SLC24A3: variants seen among roughly 807,000 people sequenced by gnomAD.
SLC24A3 encodes the protein solute carrier family 24 member 3, also known as sodium/potassium/calcium exchanger 3.
SLC24A3 carries 28 observed loss-of-function variants against 75.8 expected under a neutral mutation model. The observed-to-expected ratio is 0.37, with a 90% CI of 0.27 to 0.51. The LOEUF (loss-of-function observed/expected upper bound fraction) is 0.51. Ranked by LOEUF, SLC24A3 falls within the 20% of genes least tolerant of loss-of-function variation. The pLI is 0.94. For missense variants in SLC24A3, 663 were observed against 847.8 expected, an observed-to-expected ratio of 0.78 and a Z score of 2.71; for synonymous variants, 372 against 334.1, an observed-to-expected ratio of 1.11 and a Z score of -1.24.
At chr20:19,703,891 G>T (rs538724033) in intron 15 of SLC24A3, among the ~76,000 whole-genome samples, 9 of 152,302 alleles carry the variant, frequency 5.9e-5, no homozygotes, top group South Asian at 4.1e-4. Context: ...CCAACCAAGG[G>T]CTTCTTTCTT....
intron 6 of SLC24A3, among the ~76,000 whole-genome samples, chr20:19,611,460 A>T (rs907329064): frequency 6.6e-6 from 1 of 152,196 alleles, no homozygotes; most frequent in African/African-American, 2.4e-5. Context: ...TAGCCCATAC[A>T]TGATTGTCTT....
chr20:19,500,070 G>C (rs1319831002), intron 2 of SLC24A3, among the ~76,000 whole-genome samples: 4 of 152,154 alleles, frequency 2.6e-5, no homozygotes. Context: ...TTATATTGAT[G>C]AGGAAATGTG....
At chr20:19,267,064 A>T (rs1015607045) in intron 1 of SLC24A3, among the ~76,000 whole-genome samples, 12 of 152,192 alleles carry the variant, frequency 7.9e-5, no homozygotes, top group African/African-American at 2.9e-4. Flanking sequence ...GAAATGAACC[A>T]TTTAAAAATA....
chr20:19,380,941 T>C (rs942306544), intron 2 of SLC24A3, among the ~76,000 whole-genome samples: 1 of 152,168 alleles, frequency 6.6e-6, no homozygotes, highest in Non-Finnish European at 1.5e-5. Flanking sequence ...CTTCTGACCC[T>C]TTATAATAAT....
intron 2 of SLC24A3, among the ~76,000 whole-genome samples, chr20:19,412,140 A>C (rs1410539224): frequency 6.6e-6 from 1 of 152,186 alleles, no homozygotes; most frequent in Admixed American, 6.5e-5. Flanking sequence ...AATTCAGTGC[A>C]TTTGGCCTGC....
chr20:19,708,797 C>A (rs2122162241), intron 15 of SLC24A3, among the ~76,000 whole-genome samples: 1 of 152,334 alleles, frequency 6.6e-6, no homozygotes, highest in Non-Finnish European at 1.5e-5. Flanking sequence ...GCAAAAGTAT[C>A]ACCACCCAAT....
chr20:19,437,516 A>C (rs1987226355), intron 2 of SLC24A3, among the ~76,000 whole-genome samples: 1 of 152,230 alleles, frequency 6.6e-6, no homozygotes, highest in African/African-American at 2.4e-5. Flanking sequence ...AAAATGGACT[A>C]ATACAGTCAG....
intron 2 of SLC24A3, among the ~76,000 whole-genome samples, chr20:19,378,624 C>A (rs1224802918): frequency 6.6e-6 from 1 of 152,070 alleles, no homozygotes; most frequent in Admixed American, 6.5e-5. Flanking sequence ...TTTAAGCCTC[C>A]CTTCTTTCCT....
At chr20:19,707,110 C>T (rs1340705257) in intron 15 of SLC24A3, among the ~76,000 whole-genome samples, 1 of 152,162 alleles carries the variant, frequency 6.6e-6, no homozygotes, top group Non-Finnish European at 1.5e-5. Context: ...AGCAAGAGCA[C>T]AAGAAGACGC....
intron 2 of SLC24A3, among the ~76,000 whole-genome samples, chr20:19,442,979 T>C (rs527649476): frequency 8.5e-5 from 13 of 152,346 alleles, no homozygotes; most frequent in Middle Eastern, 3.4e-3. Flanking sequence ...CTTTGATACC[T>C]TGTCAGAGAT....
intron 2 of SLC24A3, among the ~76,000 whole-genome samples, chr20:19,512,766 T>C (rs1469730437): frequency 6.6e-6 from 1 of 152,170 alleles, no homozygotes; most frequent in Non-Finnish European, 1.5e-5. Context: ...TTCACTCCTT[T>C]CCTGTGCTCC....
At chr20:19,655,187 A>G (rs1401699494) in intron 7 of SLC24A3, among the ~76,000 whole-genome samples, 5 of 152,176 alleles carry the variant, frequency 3.3e-5, no homozygotes, top group Non-Finnish European at 5.9e-5. Context: ...CAGCTGCTGC[A>G]GTTCATTGCG....
intron 2 of SLC24A3, among the ~76,000 whole-genome samples, chr20:19,501,455 C>T (rs1179818681): frequency 6.6e-6 from 1 of 152,194 alleles, no homozygotes; most frequent in African/African-American, 2.4e-5. Flanking sequence ...AAACACCTAC[C>T]TTGCTGTTAC....
chr20:19,276,244 C>T (rs941110791), intron 1 of SLC24A3, among the ~76,000 whole-genome samples: 1 of 152,136 alleles, frequency 6.6e-6, no homozygotes, highest in Admixed American at 6.5e-5. Context: ...CCAGCCCAGT[C>T]TCTAGGAAAT....
chr20:19,319,832 A>G (rs1051237946), intron 2 of SLC24A3, among the ~76,000 whole-genome samples: 2 of 152,200 alleles, frequency 1.3e-5, no homozygotes, highest in Non-Finnish European at 2.9e-5. Context: ...GTACACCTGT[A>G]CATGTGTACC....
chr20:19,541,853 A>G (rs6046167), intron 3 of SLC24A3, among the ~76,000 whole-genome samples: 134,172 of 152,216 alleles, frequency 0.88, 59,238 homozygotes, highest in Middle Eastern at 0.92. Flanking sequence ...AGGTTTGCAC[A>G]TCCTTACCTG....
At chr20:19,610,049 C>A (rs986596114) in intron 6 of SLC24A3, among the ~76,000 whole-genome samples, 1 of 152,234 alleles carries the variant, frequency 6.6e-6, no homozygotes, top group African/African-American at 2.4e-5. Context: ...TCTTTATGAG[C>A]TAACTACAGT....
At chr20:19,541,645 T>C (rs573575020) in intron 3 of SLC24A3, among the ~76,000 whole-genome samples, 65 of 152,308 alleles carry the variant, frequency 4.3e-4, no homozygotes, top group Admixed American at 4.0e-3. Context: ...ATCAAAGCCA[T>C]TGCTAGAGAA....
intron 2 of SLC24A3, among the ~76,000 whole-genome samples, chr20:19,472,555 A>C (rs930100855): frequency 1.9e-4 from 29 of 152,208 alleles, no homozygotes; most frequent in Non-Finnish European, 4.4e-5. Context: ...TCCTCCAGCC[A>C]TGAGGACGCT....
Sources: allele counts gnomAD v4.1 joint callset (sites outside exome capture counted in the v4.1 genomes callset), GRCh38; gene constraint gnomAD v4.1.1; transcripts MANE v1.5; gene names NCBI Gene and HGNC (gene_info 2026-07-23, HGNC 2026-07-21).